The following PCDHGA5 variants were observed in gnomAD, a reference collection of about 807,000 sequenced individuals.
PCDHGA5 encodes the protein protocadherin gamma subfamily A, 5, also known as protocadherin gamma-A5.
Under a neutral mutation model 56.7 loss-of-function variants are expected in PCDHGA5, and 36 were observed. The observed-to-expected ratio is 0.64, with a 90% CI of 0.49 to 0.84. The LOEUF (loss-of-function observed/expected upper bound fraction) is 0.84. PCDHGA5 is among the 40% of genes least tolerant of loss of function. The pLI is 0.00. For missense variants in PCDHGA5, 1,305 were observed against 1,201.5 expected (o/e 1.09, Z -1.27); for synonymous variants, 563 against 520.2 (o/e 1.08, Z -1.12).
intron 1 of PCDHGA5, chr5:141,420,334 T>C: frequency 7.1e-7 from 1 of 1,402,910 alleles, no homozygotes; most frequent in Non-Finnish European, 9.5e-7. Flanking sequence ...TATATTCCAA[T>C]ATAGTGGTAT....
At chr5:141,502,925 C>T (rs962871271) in intron 2 of PCDHGA5, among the ~76,000 whole-genome samples, 5 of 145,518 alleles carry the variant, frequency 3.4e-5, no homozygotes, top group Non-Finnish European at 5.9e-5. Flanking sequence ...GCAGTGGCAA[C>T]CTTCACCTCC....
intron 1 of PCDHGA5, chr5:141,479,313 G>C (rs926148640): frequency 2.0e-5 from 3 of 152,456 alleles, no homozygotes; most frequent in Non-Finnish European, 2.9e-5. Context: ...AAAACATAAA[G>C]TAGCCAGACT....
At chr5:141,385,113 G>A (rs541716228) in intron 1 of PCDHGA5, 3 of 1,614,166 alleles carry the variant, frequency 1.9e-6, no homozygotes, top group South Asian at 2.2e-5. Context: ...TGCCCACCTC[G>A]CACTTTGTGG....
intron 1 of PCDHGA5, among the ~76,000 whole-genome samples, chr5:141,468,246 A>G (rs2099161183): frequency 6.7e-6 from 1 of 149,754 alleles, no homozygotes; most frequent in South Asian, 2.1e-4. Context: ...AATTGCCTGA[A>G]CCTGGGAGGC....
chr5:141,483,245 A>G (rs2099578786), intron 1 of PCDHGA5, among the ~76,000 whole-genome samples: 1 of 151,456 alleles, frequency 6.6e-6, no homozygotes, highest in Non-Finnish European at 1.5e-5. Flanking sequence ...TGATATGCAT[A>G]TATCATGAGG....
chr5:141,393,088 G>C (rs760420305), intron 1 of PCDHGA5: 4 of 1,613,648 alleles, frequency 2.5e-6, no homozygotes, highest in South Asian at 1.1e-5. Context: ...AGGATAGATC[G>C]GGAGGAGCTC....
Position 141,399,482 on chromosome 5 carries a change from C to T in PCDHGA5, c.2421+32731C>T, listed in dbSNP as rs559370708. 8.1e-6 allele frequency: 13 copies of T among 1,613,934 alleles called. No individual in the cohort carries two copies. In the South Asian group the frequency reaches 1.3e-4, roughly 16 times the overall value. ...AACGCTCCGGTTTTCCACCAGGCGT[C>T]CTACTTAGTCAGTGTACCCGAAAAC... On this transcript the variant is annotated intron_variant, in intron 1 of 3. Coordinates refer to ENST00000518069, the MANE Select transcript of PCDHGA5 (RefSeq NM_018918.3).
In PCDHGA5 at chr5:141,510,980, G is replaced by A; in HGVS notation, c.2603G>A (p.Gly868Asp). The change falls in exon 4 of 4, where the codon GGT becomes GAT. Residue 868 changes from glycine (G) to aspartate (D), a missense_variant. Transcript: ENST00000518069. ...AADGSSTLGGGAGTMGLSARY... is the reference protein window; with the variant it reads ...AADGSSTLGGDAGTMGLSARY... ...GATGGGAGCTCCACCCTGGGAGGGG[G>A]TGCCGGCACCATGGGATTGAGCGCC... 1 of 1,614,170 alleles carries A rather than the reference G, an allele frequency of 6.2e-7. No homozygotes were observed.
chr5:141,404,965 C>A, intron 1 of PCDHGA5: 1 of 1,614,030 alleles, frequency 6.2e-7, no homozygotes, highest in Non-Finnish European at 8.5e-7. Context: ...TCCCAGACAT[C>A]CTGGCTGACC....
chr5:141,374,636 G>A, intron 1 of PCDHGA5: 1 of 1,612,960 alleles, frequency 6.2e-7, no homozygotes, highest in Non-Finnish European at 8.5e-7. Flanking sequence ...CGTGCAAAGC[G>A]AAGCCCATGG....
chr5:141,388,226 G>A, intron 1 of PCDHGA5: 1 of 1,605,056 alleles, frequency 6.2e-7, no homozygotes, highest in Non-Finnish European at 8.5e-7. Flanking sequence ...AAAATCCACT[G>A]AACTTTTATC....
chr5:141,414,253 G>A (rs768166537), intron 1 of PCDHGA5: 1 of 1,613,492 alleles, frequency 6.2e-7, no homozygotes, highest in Non-Finnish European at 8.5e-7. Flanking sequence ...ATTTAGTCCA[G>A]TGACTGAAGA....
At chr5:141,372,810 G>A (rs1769086756) in intron 1 of PCDHGA5, 3 of 1,587,362 alleles carry the variant, frequency 1.9e-6, no homozygotes, top group Non-Finnish European at 2.6e-6. Flanking sequence ...TTTGCAAAAG[G>A]TGAGTTTCTT....
chr5:141,400,361 C>G (rs776965891), intron 1 of PCDHGA5: 3 of 1,613,952 alleles, frequency 1.9e-6, no homozygotes, highest in Non-Finnish European at 2.5e-6. Flanking sequence ...GGGACTTTGC[C>G]TTATTCCTAC....
intron 1 of PCDHGA5, chr5:141,375,594 A>T: frequency 6.2e-7 from 1 of 1,613,890 alleles, no homozygotes; most frequent in Non-Finnish European, 8.5e-7. Flanking sequence ...CTGTCCTCCT[A>T]CGTGTCCATC....
chr5:141,422,470 T>C, intron 1 of PCDHGA5: 1 of 1,613,440 alleles, frequency 6.2e-7, no homozygotes, highest in Non-Finnish European at 8.5e-7. Flanking sequence ...GGACAGGGAG[T>C]TGGTCCAGAG....
chr5:141,428,108 G>C (rs771684309), intron 1 of PCDHGA5: 6 of 1,608,094 alleles, frequency 3.7e-6, no homozygotes, highest in Admixed American at 1.7e-5. Context: ...ACGTGCTGCA[G>C]GCCATCGAGC....
intron 3 of PCDHGA5, among the ~76,000 whole-genome samples, chr5:141,507,861 C>T (rs538942097): frequency 7.0e-4 from 106 of 152,306 alleles, no homozygotes; most frequent in African/African-American, 2.5e-3. Flanking sequence ...CTTTCACACC[C>T]GCTTCCTAGC....
At chr5:141,474,834 A>G (rs557557147) in intron 1 of PCDHGA5, among the ~76,000 whole-genome samples, 4 of 152,380 alleles carry the variant, frequency 2.6e-5, no homozygotes, top group South Asian at 4.1e-4. Context: ...ACTCTGTGCC[A>G]GGCACTTTAC....
Sources: gnomAD v4.1 joint callset for allele counts (sites outside exome capture counted in the v4.1 genomes callset) on GRCh38, gnomAD v4.1.1 for gene constraint, MANE v1.5 for transcripts, NCBI Gene and HGNC (gene_info 2026-07-23, HGNC 2026-07-21) for gene names.